The following M1AP variants were observed in gnomAD, a reference collection of about 807,000 sequenced individuals.
The protein encoded by M1AP is meiosis 1 associated protein.
In M1AP, 39 loss-of-function variants were observed where a neutral mutation model predicts 51.2. The observed-to-expected ratio is 0.76, with a 90% confidence interval of 0.59 to 1.00. The LOEUF is 1.00. Among genes scored for constraint, M1AP ranks in the 50% least tolerant of loss-of-function variants. The pLI, the probability that M1AP is intolerant of heterozygous loss-of-function variation, is 0.00. For synonymous variants in M1AP, 251 were observed against 249.2 expected (o/e 1.01, Z -0.07); for missense variants, 545 against 641.2 (o/e 0.85, Z 1.62).
At position 74,558,496 on chromosome 2, in the gene M1AP, T is replaced by C. The variant is rs1289954602; in HGVS notation, c.*220A>G. 1 of 527,408 alleles carries C rather than the reference T, an allele frequency of 1.9e-6. No individual in the cohort carries two copies. 32.7% of individuals were successfully genotyped at this position (527,408 alleles called of 1,614,324 possible). The stretch of plus-strand genomic sequence containing the variant: ...CAGTAGCAAATGATTCTAAAGAAAA[T>C]GAAAGTCCTTGCTGGAGAAAGGACA... On this transcript the variant is annotated 3_prime_UTR_variant, in exon 11 of 11. Coordinates refer to ENST00000421985, the MANE Select transcript of M1AP (RefSeq NM_001321739.2).
chr2:74,621,236 C>A (rs760564126), intron 2 of M1AP, among the ~76,000 whole-genome samples: 2 of 151,590 alleles, frequency 1.3e-5, no homozygotes, highest in Non-Finnish European at 2.9e-5. Flanking sequence ...GAGCAGAGAT[C>A]GCGCCACTGC....
intron 1 of M1AP, among the ~76,000 whole-genome samples, chr2:74,643,557 A>G (rs934261818): frequency 6.6e-6 from 1 of 152,060 alleles, no homozygotes; most frequent in Non-Finnish European, 1.5e-5. Context: ...GAGAAGAGAC[A>G]AAAGAAGGGG....
At chr2:74,617,666 C>G (rs1244741602) in intron 2 of M1AP, among the ~76,000 whole-genome samples, 1 of 152,064 alleles carries the variant, frequency 6.6e-6, no homozygotes, top group African/African-American at 2.4e-5. Context: ...CACCCTTGAA[C>G]TTAAAATAAA....
At chr2:74,631,872 TA>T (rs1217440907) in intron 2 of M1AP, among the ~76,000 whole-genome samples, 1 of 152,214 alleles carries the variant, frequency 6.6e-6, no homozygotes, top group Non-Finnish European at 1.5e-5. Flanking sequence ...TATATTGAGG[TA>T]TTCATTCTGA....
intron 2 of M1AP, among the ~76,000 whole-genome samples, chr2:74,617,717 GA>G (rs1432019111): frequency 6.6e-6 from 1 of 152,068 alleles, no homozygotes; most frequent in Non-Finnish European, 1.5e-5. Context: ...GAGTGTCTGG[GA>G]AAAAATAAGC....
intron 4 of M1AP, among the ~76,000 whole-genome samples, chr2:74,582,470 G>C (rs116561711): frequency 1.7e-3 from 263 of 152,258 alleles, no homozygotes; most frequent in Middle Eastern, 6.8e-3. Context: ...TAAATGTACT[G>C]ACATGAAAAA....
At chr2:74,561,899 C>A (rs544396035) in intron 8 of M1AP, 1 of 985,360 alleles carries the variant, frequency 1.0e-6, no homozygotes, top group Non-Finnish European at 1.2e-6. Context: ...ATTTCAGGTC[C>A]GTGTGCATGT....
chr2:74,582,650 C>T (rs577237182), intron 4 of M1AP, among the ~76,000 whole-genome samples: 1 of 152,288 alleles, frequency 6.6e-6, no homozygotes, highest in Admixed American at 6.5e-5. Flanking sequence ...GGGCAGGGTT[C>T]TGAGATACTT....
At chr2:74,580,411 T>G (rs1046155507) in intron 5 of M1AP, among the ~76,000 whole-genome samples, 2 of 152,164 alleles carry the variant, frequency 1.3e-5, no homozygotes, top group African/African-American at 4.8e-5. Flanking sequence ...AAGGAGGTTC[T>G]GGGAAGAATA....
intron 10 of M1AP, 75 bp downstream of exon 10, chr2:74,559,623 T>C: frequency 1.4e-6 from 1 of 714,940 alleles, no homozygotes; most frequent in Non-Finnish European, 2.6e-6. Flanking sequence ...CAACCCCAGA[T>C]AGTCATGGGA....
intron 3 of M1AP, among the ~76,000 whole-genome samples, chr2:74,614,404 G>C (rs1306115534): frequency 6.6e-6 from 1 of 152,162 alleles, no homozygotes; most frequent in African/African-American, 2.4e-5. Context: ...CTGTCTGTTT[G>C]ATCCCTGAGG....
At chr2:74,645,608 C>T (rs996109702) in intron 1 of M1AP, among the ~76,000 whole-genome samples, 1 of 152,202 alleles carries the variant, frequency 6.6e-6, no homozygotes, top group Non-Finnish European at 1.5e-5. Flanking sequence ...ATAGCAACGA[C>T]TCTATGACCT....
intron 4 of M1AP, among the ~76,000 whole-genome samples, chr2:74,583,652 G>A (rs1679543242): frequency 6.6e-6 from 1 of 152,332 alleles, no homozygotes; most frequent in South Asian, 2.1e-4. Context: ...AGAAAAGCCA[G>A]TTGCTCCAAT....
At chr2:74,561,825 G>T in intron 8 of M1AP, 1 of 932,352 alleles carries the variant, frequency 1.1e-6, no homozygotes, top group Non-Finnish European at 1.3e-6. Context: ...CTGTGCCCTG[G>T]CCTGACATCA....
chr2:74,636,878 C>T (rs545071253), intron 2 of M1AP, among the ~76,000 whole-genome samples: 1 of 152,254 alleles, frequency 6.6e-6, no homozygotes, highest in East Asian at 1.9e-4. Context: ...CATGCCCAGC[C>T]TCAAGATTTC....
chr2:74,588,856 T>C (rs923899010), intron 4 of M1AP, among the ~76,000 whole-genome samples: 2 of 152,258 alleles, frequency 1.3e-5, no homozygotes, highest in Admixed American at 6.5e-5. Context: ...ATTTGCTTAG[T>C]CATTCATTTA....
At chr2:74,617,419 G>A (rs912896258) in intron 2 of M1AP, among the ~76,000 whole-genome samples, 6 of 152,160 alleles carry the variant, frequency 3.9e-5, no homozygotes, top group Non-Finnish European at 7.4e-5. Context: ...CCAAGCTAAC[G>A]CAGGAACAGA....
chr2:74,568,047 C>T (rs772913875), intron 7 of M1AP, among the ~76,000 whole-genome samples: 24 of 152,170 alleles, frequency 1.6e-4, no homozygotes, highest in Non-Finnish European at 3.4e-4. Flanking sequence ...TTATAGTCGA[C>T]GAGGACTGGT....
In M1AP at chr2:74,558,643, C is replaced by T; in HGVS notation, c.*73G>A. On this transcript the variant is annotated 3_prime_UTR_variant, in exon 11 of 11. Transcript: ENST00000421985. The stretch of plus-strand genomic sequence containing the variant: ...TCAGGCGGATAGAGAGCAAGTCTGA[C>T]CACAGATAGCCATTATGTGAACCTG... 1 of 1,558,170 alleles carries T rather than the reference C, an allele frequency of 6.4e-7. No individual in the cohort carries two copies.
Sources: allele counts gnomAD v4.1 joint callset (sites outside exome capture counted in the v4.1 genomes callset), GRCh38; gene constraint gnomAD v4.1.1; transcripts MANE v1.5; gene names NCBI Gene and HGNC (gene_info 2026-07-23, HGNC 2026-07-21).